The following ATG7 variants were observed in gnomAD, a reference collection of about 807,000 sequenced individuals.
ATG7 encodes ubiquitin-like modifier-activating enzyme ATG7.
In ATG7, 70 loss-of-function variants were observed where a neutral mutation model predicts 82.4. The ratio of observed to expected loss-of-function variants is 0.85; its 90% confidence interval spans 0.70 to 1.04. The LOEUF is 1.04. Ranked by LOEUF, ATG7 falls within the 50% of genes least tolerant of loss-of-function variation. The pLI, the probability that ATG7 is intolerant of heterozygous loss-of-function variation, is 0.00. For missense variants in ATG7, 792 were observed against 864.3 expected (o/e 0.92, Z 1.05); for synonymous variants, 287 against 313.0 (o/e 0.92, Z 0.88).
At chr3:11,413,375 G>A (rs967336232) in intron 19 of ATG7, among the ~76,000 whole-genome samples, 3 of 152,092 alleles carry the variant, frequency 2.0e-5, no homozygotes, top group African/African-American at 7.2e-5. Context: ...CATGAAAGGG[G>A]TTGAATTTTG....
chr3:11,550,762 TCA>T (rs1292219491), intron 20 of ATG7, among the ~76,000 whole-genome samples: 2 of 152,162 alleles, frequency 1.3e-5, no homozygotes, highest in Non-Finnish European at 2.9e-5. Flanking sequence ...ATGTTTTCTC[TCA>T]GTTTGCCTTT....
At chr3:11,519,689 A>G (rs1310318364) in intron 20 of ATG7, among the ~76,000 whole-genome samples, 1 of 151,210 alleles carries the variant, frequency 6.6e-6, no homozygotes, top group African/African-American at 2.4e-5. Context: ...CCTCCCGAGT[A>G]GCTGGGACCA....
Position 11,488,491 on chromosome 3 carries a change from G to A in ATG7, c.2079+61565G>A, listed in dbSNP as rs537591459. 4.2e-4 allele frequency: 528 copies of A among 1,257,424 alleles called. 8 individuals are homozygous for A. In the East Asian group the frequency reaches 0.015, roughly 36 times the overall value. The allele number at this position is 1,257,424 out of a possible 1,614,324, so 77.9% of individuals were successfully genotyped here. On this transcript the variant is annotated intron_variant, in intron 20 of 20. Coordinates refer to ENST00000693202, the MANE Select transcript of ATG7 (RefSeq NM_001349232.2). Reference sequence around the variant, plus strand: ...CGCTTCATATCTGCAGCTGGGGCCCGCGGGTGTCAGCGCCGCGACTGTCCC... The same window carrying A: ...CGCTTCATATCTGCAGCTGGGGCCCACGGGTGTCAGCGCCGCGACTGTCCC...
intron 18 of ATG7, among the ~76,000 whole-genome samples, chr3:11,370,781 A>C (rs773418440): frequency 1.3e-5 from 2 of 151,232 alleles, no homozygotes; most frequent in Middle Eastern, 3.2e-3. Flanking sequence ...ACTGGGCATA[A>C]TTGACTAAAG....
intron 20 of ATG7, among the ~76,000 whole-genome samples, chr3:11,512,549 G>A (rs1245543542): frequency 6.6e-6 from 1 of 152,210 alleles, no homozygotes; most frequent in Non-Finnish European, 1.5e-5. Context: ...CAAGAATGAA[G>A]CCATGGACCG....
chr3:11,299,397 G>A lies in ATG7; in HGVS notation c.196G>A (p.Glu66Lys). The A allele has an allele frequency of 6.2e-7, 1 of 1,612,220 alleles. No individual in the cohort carries two copies. The highest frequency in any genetic ancestry group is 8.5e-7 in the Non-Finnish European group (1 of 1,178,306). The change falls in exon 5 of 21, where the codon GAG becomes AAG. Residue 66 changes from glutamate (E) to lysine (K), a missense_variant. Transcript: ENST00000693202. ...TGGGCTGCCAGCTCGCTTAACATTGGAGTTCAGTGCTTTTGACATGTGAGT... is the reference window on the plus strand; with the variant it reads ...TGGGCTGCCAGCTCGCTTAACATTGAAGTTCAGTGCTTTTGACATGTGAGT... ...SAGLPARLTL[E>K]FSAFDMSAPT... is the part of the protein sequence containing the mutation.
intron 3 of ATG7, among the ~76,000 whole-genome samples, chr3:11,285,931 C>T (rs1339382513): frequency 2.0e-5 from 3 of 152,200 alleles, no homozygotes; most frequent in East Asian, 3.8e-4. Context: ...CCAGCTGTCA[C>T]GTCTTTGTGG....
At chr3:11,337,384 C>T (rs553750692) in intron 11 of ATG7, among the ~76,000 whole-genome samples, 11 of 152,048 alleles carry the variant, frequency 7.2e-5, no homozygotes, top group African/African-American at 2.2e-4. Flanking sequence ...ACCTGGGAGG[C>T]GGAGGTTGCA....
At chr3:11,368,049 G>A (rs1299083219) in intron 18 of ATG7, among the ~76,000 whole-genome samples, 2 of 151,932 alleles carry the variant, frequency 1.3e-5, no homozygotes, top group Non-Finnish European at 2.9e-5. Context: ...TTCCTATAGA[G>A]AGGTAAGCAC....
intron 17 of ATG7, 175 bp downstream of exon 17, chr3:11,363,103 A>G: frequency 1.7e-6 from 1 of 583,320 alleles, no homozygotes; most frequent in Non-Finnish European, 3.0e-6. Context: ...ATAACTTGGC[A>G]TGTTTCCTTT....
intron 9 of ATG7, 152 bp from the exon 10 acceptor site, chr3:11,331,188 G>A: frequency 1.5e-6 from 1 of 663,418 alleles, no homozygotes. Flanking sequence ...AGATCCTGTG[G>A]CTTTCTTCTC....
intron 20 of ATG7, among the ~76,000 whole-genome samples, chr3:11,457,741 A>T (rs925188596): frequency 4.6e-5 from 7 of 152,142 alleles, no homozygotes; most frequent in Admixed American, 3.9e-4. Context: ...GTTGGGAAGG[A>T]TTGCTGAGGC....
chr3:11,430,820 G>C (rs910193841), intron 20 of ATG7, among the ~76,000 whole-genome samples: 6 of 152,200 alleles, frequency 3.9e-5, no homozygotes, highest in African/African-American at 1.4e-4. Flanking sequence ...AGGGGAATAG[G>C]ATGTCAAGAA....
intron 20 of ATG7, among the ~76,000 whole-genome samples, chr3:11,517,152 G>GT (rs1347925114): frequency 1.3e-5 from 2 of 151,854 alleles, no homozygotes; most frequent in Non-Finnish European, 2.9e-5. Flanking sequence ...AATTCCACCT[G>GT]TATGACATTC....
chr3:11,573,557 C>T, the ATG7 span, among the ~76,000 whole-genome samples: 11 of 152,266 alleles, frequency 7.2e-5, no homozygotes, highest in African/African-American at 1.4e-4. Context: ...GCTGTCCCTC[C>T]GACGGCCATG....
chr3:11,382,143 A>C (rs2077950646), intron 19 of ATG7, among the ~76,000 whole-genome samples: 2 of 152,232 alleles, frequency 1.3e-5, no homozygotes, highest in Non-Finnish European at 2.9e-5. Context: ...CACCAGGATC[A>C]AGGCCATGCT....
chr3:11,541,897 G>A (rs79370386), intron 20 of ATG7, among the ~76,000 whole-genome samples: 6,445 of 152,316 alleles, frequency 0.042, 421 homozygotes, highest in African/African-American at 0.14. Context: ...TAACCATTTC[G>A]TTTAAAATGT....
downstream of ATG7, chr3:11,558,532 G>GTGT (rs757854006): frequency 6.8e-7 from 1 of 1,475,506 alleles, no homozygotes; most frequent in East Asian, 2.8e-5. Flanking sequence ...GCAGATCCAC[G>GTGT]TGTTGTTGGA....
chr3:11,428,324 G>A (rs1417045884), intron 20 of ATG7, among the ~76,000 whole-genome samples: 2 of 152,238 alleles, frequency 1.3e-5, no homozygotes, highest in East Asian at 3.8e-4. Context: ...GAGAGGTGGA[G>A]CTAGTGCTGA....
Sources: gnomAD v4.1 joint callset for allele counts (sites outside exome capture counted in the v4.1 genomes callset) on GRCh38, gnomAD v4.1.1 for gene constraint, MANE v1.5 for transcripts, NCBI Gene and HGNC (gene_info 2026-07-23, HGNC 2026-07-21) for gene names.